Variants in PET100 observed in about 807,000 individuals in gnomAD.
PET100 encodes protein PET100 homolog, mitochondrial.
Under a neutral mutation model 13.6 loss-of-function variants are expected in PET100, and 13 were observed. That is an observed-to-expected ratio of 0.96 (90% CI 0.62 to 1.52). The LOEUF (loss-of-function observed/expected upper bound fraction) is 1.52, where lower values mean the gene tolerates loss of function less well. Among genes scored for constraint, PET100 ranks in the 40% most tolerant of loss-of-function variants. The pLI is 0.00. For missense variants in PET100, 94 were observed against 95.3 expected, an observed-to-expected ratio of 0.99 and a Z score of 0.06; for synonymous variants, 28 against 30.8, an observed-to-expected ratio of 0.91 and a Z score of 0.30.
chr19:7,630,481 G>A (rs1469324990), intron 1 of PET100, 92 bp from the exon 2 acceptor site: 1 of 1,039,600 alleles, frequency 9.6e-7, no homozygotes, highest in African/African-American at 1.6e-5. Context: ...AGGCGCTTCT[G>A]GACTCTGCAG....
intron 1 of PET100, 114 bp downstream of exon 1, chr19:7,629,974 C>G: frequency 7.8e-7 from 1 of 1,280,376 alleles, no homozygotes; most frequent in Non-Finnish European, 1.0e-6. Context: ...GGAGAAAGCT[C>G]TTAAGATTTG....
At chr19:7,631,072 G>T in intron 3 of PET100, 1 of 734,148 alleles carries the variant, frequency 1.4e-6, no homozygotes, top group Non-Finnish European at 2.2e-6. Flanking sequence ...GCCAGGCATG[G>T]TGGCAGGCGC....
At position 7,631,617 on chromosome 19, in the gene PET100, G is replaced by C. The variant is rs772981460; in HGVS notation, c.*61G>C. The C allele has an allele frequency of 6.8e-7, 1 of 1,467,950 alleles. No homozygotes were observed. Among genetic ancestry groups the C allele is most frequent in the Non-Finnish European group, 9.0e-7 (1 of 1,109,468 alleles). 90.9% of individuals were successfully genotyped at this position (1,467,950 alleles called of 1,614,324 possible). On this transcript the variant is annotated 3_prime_UTR_variant, in exon 4 of 4. Coordinates refer to ENST00000594797, the MANE Select transcript of PET100 (RefSeq NM_001171155.2). ...GAAATATACATATACTCAGTTCCTT[G>C]TTATTCATTTAAGTGTTTTATTCTT...
intron 1 of PET100, chr19:7,630,298 T>C (rs1234733813): frequency 9.6e-6 from 5 of 522,266 alleles, no homozygotes; most frequent in African/African-American, 1.9e-5. Flanking sequence ...CTCGAGGAGA[T>C]GCTTTTGATT....
intron 1 of PET100, 165 bp downstream of exon 1, chr19:7,630,025 T>C: frequency 1.7e-6 from 1 of 585,010 alleles, no homozygotes; most frequent in Non-Finnish European, 2.4e-6. Flanking sequence ...GAGGGGACGC[T>C]GGGCTGGGGG....
Position 7,630,840 on chromosome 19 carries a change from T to A in PET100, c.132T>A (p.Pro44=). The A allele has an allele frequency of 3.3e-6, 5 of 1,537,250 alleles. No homozygotes were observed. The highest frequency in any genetic ancestry group is 1.2e-5 in the South Asian group (1 of 84,060). The change falls in exon 3 of 4, where the codon CCT becomes CCA. Residue 44 remains proline, a synonymous_variant. Transcript: ENST00000594797. ...CCTTACAGAGGGAGCTGTGGCCACCTGAGAAGGTAAGTGATCTCTTCTTCC... is the reference window on the plus strand; with the variant it reads ...CCTTACAGAGGGAGCTGTGGCCACCAGAGAAGGTAAGTGATCTCTTCTTCC... ...VIQRKRELWP[P]EKLQEIEEFK...
intron 1 of PET100, 174 bp downstream of exon 1, chr19:7,630,034 G>T (rs2031239348): frequency 2.5e-6 from 2 of 816,272 alleles, no homozygotes; most frequent in African/African-American, 1.8e-5. Flanking sequence ...CTGGGCTGGG[G>T]GGGTTCTCGG....
At chr19:7,631,403 G>T (rs1202530192) in intron 3 of PET100, 70 bp from the exon 4 acceptor site, 3 of 1,091,156 alleles carry the variant, frequency 2.7e-6, no homozygotes, top group East Asian at 2.7e-5. Flanking sequence ...GGTGGGCGGG[G>T]GGGGGTGGTC....
chr19:7,629,858 CG>C lies in PET100; in HGVS notation c.27+1del. The stretch of plus-strand genomic sequence containing the variant: ...GATGGGGGTGAAGCTGGAGATATTT[CG>C]GGTCAGTGGACACAGGAGTGGGTTG... MGVKLEIF[R>X]MIIYLTFPVA... On this transcript the variant is annotated frameshift_variant and splice_region_variant, in exon 1 of 4. Coordinates refer to ENST00000594797, the MANE Select transcript of PET100 (RefSeq NM_001171155.2). LOFTEE classifies it high-confidence loss of function. The C allele has an allele frequency of 6.5e-7, 1 of 1,534,328 alleles. No homozygotes were observed. The highest frequency in any genetic ancestry group is 8.7e-7 in the Non-Finnish European group (1 of 1,145,562).
intron 1 of PET100, chr19:7,630,276 G>A (rs2031246989): frequency 1.0e-5 from 5 of 477,986 alleles, no homozygotes; most frequent in Non-Finnish European, 1.9e-5. Context: ...AAGTGGGGAT[G>A]GGTAATGAGG....
intron 3 of PET100, 67 bp from the exon 4 acceptor site, chr19:7,631,406 G>A (rs1239971311): frequency 5.4e-6 from 5 of 925,056 alleles, no homozygotes; most frequent in Admixed American, 2.7e-5. Flanking sequence ...GGGCGGGGGG[G>A]GGTGGTCCCG....
chr19:7,630,958 C>T, intron 3 of PET100, 112 bp downstream of exon 3: 1 of 1,360,300 alleles, frequency 7.4e-7, no homozygotes, highest in Non-Finnish European at 1.0e-6. Context: ...GCTTGTAATC[C>T]CAGGGCATGG....
Position 7,631,710 on chromosome 19 carries a change from C to T in PET100, c.*154C>T. On this transcript the variant is annotated 3_prime_UTR_variant, in exon 4 of 4. Transcript: ENST00000594797. ...GCCCTCAGGGGGCTTGTGTCGGGGG[C>T]TGGGGGCTGCTGTTCCGACGGAAGC... is the stretch of plus-strand genomic sequence containing the variant. The T allele has an allele frequency of 1.4e-6, 2 of 1,447,624 alleles. No homozygotes were observed. The highest frequency in any genetic ancestry group is 1.8e-6 in the Non-Finnish European group (2 of 1,099,018). The allele number at this position is 1,447,624 out of a possible 1,614,324, so 89.7% of individuals were successfully genotyped here.
At position 7,630,627 on chromosome 19, in the gene PET100, G is replaced by A. The variant is rs4134804; in HGVS notation, c.82G>A (p.Glu28Lys). The A allele has an allele frequency of 7.6e-4, 1,170 of 1,537,182 alleles. 10 individuals carry two copies. In the African/African-American group the frequency reaches 0.013, roughly 17 times the overall value. ...TATGTTCTGGGTTTCCAATCAGGCC[G>A]AGTGGTTTGAGGACGATGTCATACA... ...VAMFWVSNQA[E>K]WFEDDVIQRK... Residue 28 changes from glutamate (E) to lysine (K), a missense_variant, in exon 2 of 4, where the codon GAG (glutamate) becomes AAG (lysine). Transcript: ENST00000594797.
chr19:7,631,086 T>C, intron 3 of PET100: 1 of 736,412 alleles, frequency 1.4e-6, no homozygotes, highest in Non-Finnish European at 2.1e-6. Context: ...CAGGCGCCTA[T>C]AATTCCAGCT....
Position 7,631,644 on chromosome 19 carries a change from T to C in PET100, c.*88T>C, listed in dbSNP as rs192730559. Reference sequence around the variant, plus strand: ...TATTCATTTAAGTGTTTTATTCTTTTATCAGTTTTTGGGGGCCGAGTGAGA... The same window carrying C: ...TATTCATTTAAGTGTTTTATTCTTTCATCAGTTTTTGGGGGCCGAGTGAGA... On this transcript the variant is annotated 3_prime_UTR_variant, in exon 4 of 4. Transcript: ENST00000594797. 3.0e-4 allele frequency: 432 copies of C among 1,455,556 alleles called. 2 individuals are homozygous for C. The African/African-American group carries it at 5.5e-3, about 19-fold the overall frequency. The allele number at this position is 1,455,556 out of a possible 1,614,324, so 90.2% of individuals were successfully genotyped here.
At position 7,631,584 on chromosome 19, in the gene PET100, C is replaced by T. The variant is rs1474148702; in HGVS notation, c.*28C>T. On this transcript the variant is annotated 3_prime_UTR_variant, in exon 4 of 4. Coordinates refer to ENST00000594797, the MANE Select transcript of PET100 (RefSeq NM_001171155.2). ...CCTCCAAGTGGGAGTCCTAGCCCCT[C>T]CCCTGATGAAATATACATATACTCA... The T allele has an allele frequency of 3.3e-6, 5 of 1,520,792 alleles. No individual in the cohort carries two copies. The highest frequency in any genetic ancestry group is 3.6e-4 in the Middle Eastern group (2 of 5,598). 94.2% of individuals were successfully genotyped at this position (1,520,792 alleles called of 1,614,324 possible).
chr19:7,629,900 G>A, intron 1 of PET100, 40 bp downstream of exon 1: 4 of 1,490,448 alleles, frequency 2.7e-6, no homozygotes, highest in Non-Finnish European at 3.6e-6. Context: ...CTGGGCAGGG[G>A]ATCTTCCTGG....
chr19:7,630,035 G>A (rs1363818557), intron 1 of PET100, 175 bp downstream of exon 1: 27 of 811,894 alleles, frequency 3.3e-5, no homozygotes, highest in Admixed American at 1.1e-4. Flanking sequence ...TGGGCTGGGG[G>A]GGTTCTCGGA....
Sources: gnomAD v4.1 joint callset for allele counts on GRCh38, gnomAD v4.1.1 for gene constraint, MANE v1.5 for transcripts, NCBI Gene and HGNC (gene_info 2026-07-23, HGNC 2026-07-21) for gene names.